The following PIGF variants were observed in gnomAD, a reference collection of about 807,000 sequenced individuals.
The protein encoded by PIGF is phosphatidylinositol glycan anchor biosynthesis class F, also known as GPI ethanolamine phosphate transferase, stabilizing subunit.
A neutral mutation model predicts 26.0 loss-of-function variants in PIGF; 23 were observed. The observed-to-expected ratio is 0.88, with a 90% confidence interval of 0.64 to 1.25. The LOEUF is 1.25. PIGF is among the 50% of genes most tolerant of loss of function. The pLI is 0.00. For missense variants in PIGF, 278 were observed against 249.9 expected, an observed-to-expected ratio of 1.11 and a Z score of -0.76; for synonymous variants, 93 against 92.6, an observed-to-expected ratio of 1.00 and a Z score of -0.03.
rs139098189 is a variant in PIGF at position 46,612,295 on chromosome 2, T to C, written c.370A>G (p.Thr124Ala). Reference protein sequence around the residue: ...LFAVILSTFTTVPCLCLLGPN... With the variant: ...LFAVILSTFTAVPCLCLLGPN... ...CCTAACAAACATAAGCAAGGCACAG[T>C]AGTAAAAGTAGACAAAATAACTGCA... Residue 124 changes from threonine (T) to alanine (A), a missense_variant, in exon 4 of 6, where the codon ACT becomes GCT. Transcript: ENST00000281382. 2,843 of 1,487,282 alleles carry C rather than the reference T, an allele frequency of 1.9e-3. 5 individuals are homozygous for C. The highest frequency in any genetic ancestry group is 1.9e-3 in the Non-Finnish European group (2,123 of 1,111,196). The allele number at this position is 1,487,282 out of a possible 1,614,324, so 92.1% of individuals were successfully genotyped here. A position where few individuals can be genotyped will look rare whatever the true frequency, so the allele number is the denominator to read the frequency against.
intron 4 of PIGF, among the ~76,000 whole-genome samples, chr2:46,597,182 C>G (rs1669914774): frequency 6.6e-6 from 1 of 152,150 alleles, no homozygotes; most frequent in Non-Finnish European, 1.5e-5. Context: ...TCTTTTGGAT[C>G]TGCTCTTTCC....
At position 46,613,705 on chromosome 2, in the gene PIGF, T is replaced by C. The variant is rs1421265470; in HGVS notation, c.309A>G (p.Ala103=). Residue 103 remains alanine, a synonymous_variant, in exon 3 of 6, where the codon GCA becomes GCG. Coordinates refer to ENST00000281382, the MANE Select transcript of PIGF (RefSeq NM_002643.4). Reference sequence around the variant, plus strand: ...AATTTCAAACTTACTCTATCAGTGGTGCTCCATACAGAACAAAAATTACAT... The same window carrying C: ...AATTTCAAACTTACTCTATCAGTGGCGCTCCATACAGAACAAAAATTACAT... ...SFHVIFVLYG[A]PLIELALETF... 6.5e-7 allele frequency: 1 copy of C among 1,545,248 alleles called. No homozygotes were observed. The highest frequency in any genetic ancestry group is 8.8e-7 in the Non-Finnish European group (1 of 1,133,994).
intron 5 of PIGF, chr2:46,591,682 A>C: frequency 2.9e-6 from 3 of 1,045,988 alleles, no homozygotes; most frequent in Non-Finnish European, 3.5e-6. Flanking sequence ...CATACTACAA[A>C]GTCATTAATA....
At chr2:46,594,641 T>G (rs1669825570) in intron 4 of PIGF, among the ~76,000 whole-genome samples, 2 of 151,886 alleles carry the variant, frequency 1.3e-5, no homozygotes, top group Middle Eastern at 3.4e-3. Context: ...GTTCAAGCCA[T>G]TCTTCTGTCT....
chr2:46,588,345 T>C lies in PIGF; in HGVS notation c.546+4130A>G, dbSNP rs928106462. On this transcript the variant is annotated intron_variant, in intron 5 of 5. Transcript: ENST00000281382. This position sits in a 1 kb window ranked among gnomAD's most constrained non-coding sequence, Gnocchi z 4.1. Reference sequence around the variant, plus strand: ...CTGAGACAATTAACATATTCTCTAATATATGAGAACTCAAATAAATCATGG... The same window carrying C: ...CTGAGACAATTAACATATTCTCTAACATATGAGAACTCAAATAAATCATGG... 2.3e-6 allele frequency: 2 copies of C among 874,456 alleles called. No homozygotes were observed. The highest frequency in any genetic ancestry group is 2.9e-5 in the Admixed American group (1 of 34,214). 54.2% of individuals were successfully genotyped at this position (874,456 alleles called of 1,614,324 possible).
intron 4 of PIGF, among the ~76,000 whole-genome samples, chr2:46,598,529 A>ATTTTTTTTTTTTTT (rs747263045): frequency 0.011 from 1,157 of 103,436 alleles, 115 homozygotes; most frequent in African/African-American, 0.032. Flanking sequence ...ACATTATGAG[A>ATTTTTTTTTTTTTT]TTTTTTTTTT....
At chr2:46,591,510 A>G in intron 5 of PIGF, 1 of 868,944 alleles carries the variant, frequency 1.2e-6, no homozygotes, top group Non-Finnish European at 1.4e-6. Context: ...TTAATACCAT[A>G]ATTCTTTTTG....
intron 4 of PIGF, among the ~76,000 whole-genome samples, chr2:46,593,949 A>G (rs1489802237): frequency 6.6e-6 from 1 of 152,240 alleles, no homozygotes; most frequent in Non-Finnish European, 1.5e-5. Flanking sequence ...ACTACACAAG[A>G]TAAGAGCCTT....
At chr2:46,613,659 A>T (rs1383256555) in intron 3 of PIGF, 35 bp downstream of exon 3, 3 of 1,428,760 alleles carry the variant, frequency 2.1e-6, no homozygotes, top group African/African-American at 1.5e-5. Flanking sequence ...TGAATGTTTT[A>T]AAATATAAAT....
chr2:46,597,054 C>T (rs1669910518), intron 4 of PIGF, among the ~76,000 whole-genome samples: 1 of 152,132 alleles, frequency 6.6e-6, no homozygotes, highest in Non-Finnish European at 1.5e-5. Flanking sequence ...CCTCTAAATG[C>T]TTGATTTCTT....
chr2:46,595,353 A>G (rs1463549854), intron 4 of PIGF, among the ~76,000 whole-genome samples: 1 of 152,190 alleles, frequency 6.6e-6, no homozygotes, highest in Non-Finnish European at 1.5e-5. Flanking sequence ...TATAAATGGA[A>G]TCATAAAGCA....
At chr2:46,585,034 A>T (rs1669524676) in intron 5 of PIGF, among the ~76,000 whole-genome samples, 1 of 152,188 alleles carries the variant, frequency 6.6e-6, no homozygotes, top group Non-Finnish European at 1.5e-5. Context: ...CTTATCTCAC[A>T]TACAGACATG....
intron 4 of PIGF, among the ~76,000 whole-genome samples, chr2:46,611,946 T>G (rs1344999492): frequency 6.7e-6 from 1 of 149,966 alleles, no homozygotes; most frequent in East Asian, 1.9e-4. Flanking sequence ...AGAATTTTTT[T>G]TTATTTCTTC....
At chr2:46,609,529 G>C (rs1670337877) in intron 4 of PIGF, among the ~76,000 whole-genome samples, 1 of 152,338 alleles carries the variant, frequency 6.6e-6, no homozygotes, top group East Asian at 1.9e-4. Context: ...GTCTGTCTCA[G>C]TTCTTGACAA....
chr2:46,591,566 T>A, intron 5 of PIGF: 1 of 940,284 alleles, frequency 1.1e-6, no homozygotes, highest in Non-Finnish European at 1.3e-6. Flanking sequence ...CAAGAAGCTA[T>A]AGATTCAAAG....
At chr2:46,587,032 T>C (rs1669601184) in intron 5 of PIGF, among the ~76,000 whole-genome samples, 1 of 152,240 alleles carries the variant, frequency 6.6e-6, no homozygotes, top group Non-Finnish European at 1.5e-5. Flanking sequence ...CATTATTCTC[T>C]CTAACATGAA....
chr2:46,598,532 T>G (rs1225830598), intron 4 of PIGF, among the ~76,000 whole-genome samples: 1 of 122,128 alleles, frequency 8.2e-6, no homozygotes, highest in East Asian at 2.0e-4. Context: ...TTATGAGATT[T>G]TTTTTTTTTT....
At chr2:46,605,613 T>C (rs1322453504) in intron 4 of PIGF, among the ~76,000 whole-genome samples, 1 of 152,172 alleles carries the variant, frequency 6.6e-6, no homozygotes, top group Non-Finnish European at 1.5e-5. Flanking sequence ...TCATATTACA[T>C]ATGTGAAGTT....
In PIGF at chr2:46,612,348, G is replaced by C; in HGVS notation, c.321-4C>G. 1 of 833,720 alleles carries C rather than the reference G, an allele frequency of 1.2e-6. No homozygotes were observed. 51.6% of individuals were successfully genotyped at this position (833,720 alleles called of 1,614,324 possible). On this transcript the variant is annotated splice_region_variant and splice_polypyrimidine_tract_variant and intron_variant, in intron 3 of 5. Transcript: ENST00000281382. ...TAAAAATGTTTCCAATGCCAACCTA[G>C]AAAAAAAAAAAGATTACTTTTTAAA...
Sources: allele counts gnomAD v4.1 joint callset (sites outside exome capture counted in the v4.1 genomes callset), GRCh38; gene constraint gnomAD v4.1.1; non-coding constraint Gnocchi (gnomAD v3.1); transcripts MANE v1.5; gene names NCBI Gene and HGNC (gene_info 2026-07-23, HGNC 2026-07-21).